DNAJC3: variants seen among roughly 807,000 people sequenced by gnomAD.
DNAJC3 encodes DnaJ heat shock protein family (Hsp40) member C3, also known as dnaJ homolog subfamily C member 3.
DNAJC3 carries 38 observed loss-of-function variants against 68.6 expected under a neutral mutation model. The ratio of observed to expected loss-of-function variants is 0.55; its 90% confidence interval spans 0.43 to 0.73. The LOEUF (loss-of-function observed/expected upper bound fraction) is 0.73. Ranked by LOEUF, DNAJC3 falls within the 30% of genes least tolerant of loss-of-function variation. The pLI, the probability that DNAJC3 is intolerant of heterozygous loss-of-function variation, is 0.00. For missense variants in DNAJC3, 526 were observed against 591.9 expected (o/e 0.89, Z 1.16); for synonymous variants, 203 against 204.0 (o/e 1.00, Z 0.04).
At chr13:95,736,877 G>C (rs1414647707) in intron 4 of DNAJC3, among the ~76,000 whole-genome samples, 1 of 148,980 alleles carries the variant, frequency 6.7e-6, no homozygotes, top group Admixed American at 6.6e-5. Context: ...AGTGGTGAGA[G>C]AGGGCATCCC....
intron 2 of DNAJC3, among the ~76,000 whole-genome samples, chr13:95,711,825 G>T (rs1190041982): frequency 6.6e-6 from 1 of 151,416 alleles, no homozygotes; most frequent in African/African-American, 2.5e-5. Flanking sequence ...CAGTAAAGAT[G>T]TTAACGACCC....
chr13:95,742,776 A>G, intron 4 of DNAJC3: 1 of 518,988 alleles, frequency 1.9e-6, no homozygotes. Flanking sequence ...CAGTCTTTAA[A>G]TTTGATGAAG....
chr13:95,750,478 T>C lies in DNAJC3; in HGVS notation c.394-7166T>C, dbSNP rs560617499. Among the ~76,000 whole-genome samples, 33 of 152,184 alleles carry C rather than the reference T, an allele frequency of 2.2e-4. 1 individual carries two copies. The highest frequency in any genetic ancestry group is 3.4e-3 in the Middle Eastern group (1 of 294). ...AGAGATAGAGACCTTAGTTTGAATT[T>C]AAGCAAGACTTACAGCAAGTTATAT... On this transcript the variant is annotated intron_variant, in intron 4 of 11. Coordinates refer to ENST00000602402, the MANE Select transcript of DNAJC3 (RefSeq NM_006260.5).
At chr13:95,679,250 G>T (rs1416865414) in intron 1 of DNAJC3, among the ~76,000 whole-genome samples, 1 of 146,028 alleles carries the variant, frequency 6.8e-6, no homozygotes, top group Non-Finnish European at 1.5e-5. Flanking sequence ...TTTCCTGGGA[G>T]GTTTAATACA....
chr13:95,681,326 G>C (rs1024418433), intron 1 of DNAJC3, among the ~76,000 whole-genome samples: 3 of 152,198 alleles, frequency 2.0e-5, no homozygotes, highest in African/African-American at 2.4e-5. Context: ...CAACTTTGCT[G>C]ATTAGTCTCA....
At chr13:95,777,586 G>C (rs575385614) in intron 9 of DNAJC3, among the ~76,000 whole-genome samples, 3 of 152,194 alleles carry the variant, frequency 2.0e-5, no homozygotes, top group African/African-American at 7.2e-5. Context: ...ATTCACAAGA[G>C]ACAAAGTAGG....
At chr13:95,725,538 A>G (rs936349222) in intron 4 of DNAJC3, among the ~76,000 whole-genome samples, 2 of 152,178 alleles carry the variant, frequency 1.3e-5, no homozygotes, top group Non-Finnish European at 2.9e-5. Flanking sequence ...TTTGTCCACC[A>G]TGAGAATCTA....
In DNAJC3 at chr13:95,786,026, A is replaced by G; in HGVS notation, c.1163A>G (p.Lys388Arg). ...EGLEKAQRLL[K>R]QSQKRDYYKI... ...CTAGAGAAAGCACAAAGATTATTGAAACAGTCGCAGAAACGAGATTATTAT... is the reference window on the plus strand; with the variant it reads ...CTAGAGAAAGCACAAAGATTATTGAGACAGTCGCAGAAACGAGATTATTAT... The change falls in exon 10 of 12, where the codon AAA becomes AGA. Residue 388 changes from lysine (K) to arginine (R), a missense_variant. Transcript: ENST00000602402. The G allele has an allele frequency of 6.2e-7, 1 of 1,610,526 alleles. No homozygotes were observed. The highest frequency in any genetic ancestry group is 1.7e-5 in the Admixed American group (1 of 59,390).
At chr13:95,763,439 G>A (rs898850125) in intron 7 of DNAJC3, among the ~76,000 whole-genome samples, 3 of 152,078 alleles carry the variant, frequency 2.0e-5, no homozygotes, top group African/African-American at 7.2e-5. Context: ...ATCTCCTATG[G>A]TCATATGTTT....
At chr13:95,787,589 A>G (rs953526207) in intron 11 of DNAJC3, among the ~76,000 whole-genome samples, 14 of 152,018 alleles carry the variant, frequency 9.2e-5, no homozygotes, top group Non-Finnish European at 2.1e-4. Context: ...TGTCTGGCCT[A>G]GGGCCTGCTT....
chr13:95,716,389 A>G (rs1307218733), intron 2 of DNAJC3, among the ~76,000 whole-genome samples: 1 of 152,138 alleles, frequency 6.6e-6, no homozygotes, highest in Non-Finnish European at 1.5e-5. Flanking sequence ...CTGAAGCCCA[A>G]GTGGGTGTGT....
At chr13:95,766,022 T>C (rs1566507476) in intron 9 of DNAJC3, among the ~76,000 whole-genome samples, 1 of 152,178 alleles carries the variant, frequency 6.6e-6, no homozygotes, top group African/African-American at 2.4e-5. Context: ...TTACCTGACT[T>C]GTTTGGACTG....
At chr13:95,726,502 A>G (rs987757295) in intron 4 of DNAJC3, among the ~76,000 whole-genome samples, 1 of 152,048 alleles carries the variant, frequency 6.6e-6, no homozygotes, top group Non-Finnish European at 1.5e-5. Flanking sequence ...CATATCCTTC[A>G]CCCACTTTTT....
Position 95,791,302 on chromosome 13 carries a change from C to G in DNAJC3, c.*272C>G, listed in dbSNP as rs1883765914. ...GGGAAGTGGTCTGAGGCAGGCTCAC[C>G]CGTGGAAGTGCTCACGTATTCTGTA... is the stretch of plus-strand genomic sequence containing the variant. On this transcript the variant is annotated 3_prime_UTR_variant, in exon 12 of 12. Transcript: ENST00000602402. The G allele has an allele frequency of 1.1e-5, 5 of 440,498 alleles. No homozygotes were observed. In the South Asian group the frequency reaches 1.2e-4, roughly 10 times the overall value. 27.3% of individuals were successfully genotyped at this position (440,498 alleles called of 1,614,324 possible). A position where few individuals can be genotyped will look rare whatever the true frequency, so the allele number is the denominator to read the frequency against.
At chr13:95,686,810 G>A (rs1338590358) in intron 1 of DNAJC3, among the ~76,000 whole-genome samples, 1 of 152,188 alleles carries the variant, frequency 6.6e-6, no homozygotes, top group East Asian at 1.9e-4. Flanking sequence ...GTCAAGTAAT[G>A]TGATGCCTCT....
At chr13:95,680,397 CATG>C (rs1208746028) in intron 1 of DNAJC3, among the ~76,000 whole-genome samples, 2 of 151,806 alleles carry the variant, frequency 1.3e-5, no homozygotes, top group Admixed American at 6.6e-5. Context: ...TTATTTGAAC[CATG>C]ATAAGTTTTA....
In DNAJC3 at chr13:95,787,128, G is replaced by T; in HGVS notation, c.1330G>T (p.Ala444Ser). 6.2e-7 allele frequency: 1 copy of T among 1,612,890 alleles called. No homozygotes were observed. The highest frequency in any genetic ancestry group is 1.1e-5 in the South Asian group (1 of 90,758). Residue 444 changes from alanine to serine, a missense_variant, in exon 11 of 12, where the codon GCT becomes TCT. Ala to Ser is a moderately conservative substitution (Grantham distance 99). Coordinates refer to ENST00000602402, the MANE Select transcript of DNAJC3 (RefSeq NM_006260.5). Reference sequence around the variant, plus strand: ...TGAGAAAAAGTTCATTGATATAGCAGCTGCTAAAGAAGTCCTCTCTGATCC... The same window carrying T: ...TGAGAAAAAGTTCATTGATATAGCATCTGCTAAAGAAGTCCTCTCTGATCC... ...KAEKKFIDIA[A>S]AKEVLSDPEM...
chr13:95,707,879 G>C (rs114949991), intron 1 of DNAJC3, among the ~76,000 whole-genome samples: 1 of 152,154 alleles, frequency 6.6e-6, no homozygotes, highest in Non-Finnish European at 1.5e-5. Flanking sequence ...GAAGATTGCT[G>C]TGTGGCTGGT....
At chr13:95,714,429 AG>A (rs1417049161) in intron 2 of DNAJC3, among the ~76,000 whole-genome samples, 5 of 146,712 alleles carry the variant, frequency 3.4e-5, no homozygotes, top group Admixed American at 1.4e-4. Flanking sequence ...AAAAAAAAAA[AG>A]GTGCAGTAGG....
Sources: allele counts gnomAD v4.1 joint callset (sites outside exome capture counted in the v4.1 genomes callset), GRCh38; gene constraint gnomAD v4.1.1; transcripts MANE v1.5; gene names NCBI Gene and HGNC (gene_info 2026-07-23, HGNC 2026-07-21).